UBR1: variants seen among roughly 807,000 people sequenced by gnomAD.
UBR1 encodes the protein ubiquitin protein ligase E3 component n-recognin 1.
A neutral mutation model predicts 242.1 loss-of-function variants in UBR1; 102 were observed. The ratio of observed to expected loss-of-function variants is 0.42; its 90% CI spans 0.36 to 0.50. UBR1 has a LOEUF of 0.50. Ranked by LOEUF, UBR1 falls within the 20% of genes least tolerant of loss-of-function variation. UBR1 has a pLI of 0.01. For synonymous variants in UBR1, 675 were observed against 684.8 expected, an observed-to-expected ratio of 0.99 and a Z score of 0.22; for missense variants, 1,772 against 2,101.8, an observed-to-expected ratio of 0.84 and a Z score of 3.07.
At chr15:42,952,872 G>A (rs2031857978) in intron 44 of UBR1, among the ~76,000 whole-genome samples, 2 of 151,186 alleles carry the variant, frequency 1.3e-5, no homozygotes, top group African/African-American at 4.8e-5. Context: ...TTGTTTAAAA[G>A]AAAAAAAATT....
In UBR1 at chr15:43,021,382, TAA is replaced by T; in HGVS notation, c.2840-9_2840-8del. 6.2e-7 allele frequency: 1 copy of T among 1,612,722 alleles called. No homozygotes were observed. Among genetic ancestry groups the T allele is most frequent in the Non-Finnish European group, 8.5e-7 (1 of 1,178,940 alleles). On this transcript the variant is annotated splice_region_variant and splice_polypyrimidine_tract_variant and intron_variant, in intron 26 of 46. Transcript: ENST00000290650. ...ATGGCTGAACTTCCCAATCCTTTTT[TAA>T]AACACAAAATCACACATCATAAATA...
intron 40 of UBR1, among the ~76,000 whole-genome samples, chr15:42,967,821 T>G (rs922499911): frequency 7.9e-5 from 12 of 151,366 alleles, no homozygotes; most frequent in Non-Finnish European, 1.6e-4. Flanking sequence ...CTGGTAAAGG[T>G]GACTGATGAG....
intron 10 of UBR1, among the ~76,000 whole-genome samples, chr15:43,057,470 A>G (rs1567138892): frequency 1.3e-5 from 2 of 152,224 alleles, no homozygotes; most frequent in Non-Finnish European, 2.9e-5. Flanking sequence ...ATTGCCTTAT[A>G]TAAGGCAAAA....
chr15:43,081,801 T>C (rs1021826528), intron 3 of UBR1, among the ~76,000 whole-genome samples: 2 of 152,156 alleles, frequency 1.3e-5, no homozygotes, highest in African/African-American at 4.8e-5. Flanking sequence ...TATTTTTTAA[T>C]CCAGTAATTC....
At chr15:43,013,196 C>G (rs941958247) in intron 29 of UBR1, among the ~76,000 whole-genome samples, 1 of 152,116 alleles carries the variant, frequency 6.6e-6, no homozygotes, top group African/African-American at 2.4e-5. Flanking sequence ...TTAGCCACTG[C>G]TCACAGCCCT....
At chr15:43,054,970 T>C (rs1228838412) in intron 11 of UBR1, 71 bp from the exon 12 acceptor site, 41 of 1,537,098 alleles carry the variant, frequency 2.7e-5, no homozygotes, top group Non-Finnish European at 3.5e-5. Context: ...TATTCATTCA[T>C]TTGGTTAGTC....
At chr15:43,061,123 T>C (rs1202693176) in intron 6 of UBR1, among the ~76,000 whole-genome samples, 1 of 152,178 alleles carries the variant, frequency 6.6e-6, no homozygotes. Flanking sequence ...CCATATTTTT[T>C]GGCTGCTATC....
intron 3 of UBR1, among the ~76,000 whole-genome samples, chr15:43,081,933 A>C (rs2033979552): frequency 6.6e-6 from 1 of 152,050 alleles, no homozygotes; most frequent in African/African-American, 2.4e-5. Flanking sequence ...TAAATACCCC[A>C]ATAATAGGTA....
Position 42,960,791 on chromosome 15 carries a change from T to C in UBR1, c.4701-90A>G. 2.6e-5 allele frequency: 35 copies of C among 1,351,094 alleles called. No homozygotes were observed. In the South Asian group the frequency reaches 2.8e-4, roughly 11 times the overall value. The allele number at this position is 1,351,094 out of a possible 1,614,324, so 83.7% of individuals were successfully genotyped here. A position where few individuals can be genotyped will look rare whatever the true frequency, so the allele number is the denominator to read the frequency against. Reference sequence around the variant, plus strand: ...AAGCCATTCTCTTTTTTTTTTGAGATGGATTCTCACTCTTTCGCCCAGGCT... The same window carrying C: ...AAGCCATTCTCTTTTTTTTTTGAGACGGATTCTCACTCTTTCGCCCAGGCT... On this transcript the variant is annotated intron_variant, in intron 42 of 46. Transcript: ENST00000290650.
rs1030213206 is a variant in UBR1 at position 43,066,716 on chromosome 15, A to G, written c.798+1182T>C. 3.9e-5 allele frequency among the ~76,000 whole-genome samples: 6 copies of G among 152,104 alleles called. No individual in the cohort carries two copies. In the East Asian group the frequency reaches 1.2e-3, roughly 29 times the overall value. ...TAGGTATTTTATTCTCTCTGTAGCA[A>G]TTGTGAATGGGAACTTGTTAGAAAT... On this transcript the variant is annotated intron_variant, in intron 6 of 46. Coordinates refer to ENST00000290650, the MANE Select transcript of UBR1 (RefSeq NM_174916.3).
chr15:43,094,771 C>A (rs1382680736), intron 1 of UBR1, among the ~76,000 whole-genome samples: 1 of 152,196 alleles, frequency 6.6e-6, no homozygotes, highest in South Asian at 2.1e-4. Context: ...GTTATCCCTA[C>A]CAGCCTTGTG....
chr15:43,100,009 G>C (rs1047356750), intron 1 of UBR1, among the ~76,000 whole-genome samples: 1 of 152,028 alleles, frequency 6.6e-6, no homozygotes, highest in African/African-American at 2.4e-5. Flanking sequence ...CTGAGTAGCT[G>C]GGACTACAGG....
At chr15:43,029,764 A>G (rs573956694) in intron 21 of UBR1, among the ~76,000 whole-genome samples, 180 bp downstream of exon 21, 4 of 152,358 alleles carry the variant, frequency 2.6e-5, no homozygotes, top group Non-Finnish European at 5.9e-5. Context: ...AACAAAAAGT[A>G]AAGGAGTTTC....
intron 12 of UBR1, among the ~76,000 whole-genome samples, chr15:43,050,547 T>C (rs886684047): frequency 4.6e-5 from 7 of 151,966 alleles, no homozygotes; most frequent in African/African-American, 1.7e-4. Context: ...CCGTCTCCAC[T>C]AAAATATCTC....
chr15:42,959,339 A>G (rs2031977554), intron 43 of UBR1, among the ~76,000 whole-genome samples: 1 of 152,146 alleles, frequency 6.6e-6, no homozygotes. Flanking sequence ...CTACAGGTGC[A>G]TGCCACTGTG....
At chr15:43,029,878 A>G (rs992418247) in intron 21 of UBR1, 66 bp downstream of exon 21, 15 of 1,599,048 alleles carry the variant, frequency 9.4e-6, no homozygotes, top group African/African-American at 2.7e-5. Flanking sequence ...GTAGTTTCCA[A>G]TTAAAGAAAA....
intron 6 of UBR1, among the ~76,000 whole-genome samples, chr15:43,065,428 T>C (rs1040852348): frequency 6.6e-6 from 1 of 152,124 alleles, no homozygotes; most frequent in Non-Finnish European, 1.5e-5. Context: ...ACGTGTGCCA[T>C]GGTGGTCTGC....
At chr15:43,093,640 G>A in intron 1 of UBR1, among the ~76,000 whole-genome samples, 1 of 151,838 alleles carries the variant, frequency 6.6e-6, no homozygotes. Flanking sequence ...AAATTAGCTG[G>A]GCATGGTAGC....
At chr15:42,979,075 A>G (rs1313609994) in intron 37 of UBR1, among the ~76,000 whole-genome samples, 1 of 151,332 alleles carries the variant, frequency 6.6e-6, no homozygotes, top group Non-Finnish European at 1.5e-5. Flanking sequence ...TTGTATTTTT[A>G]GTAGAGATGG....
Sources: gnomAD v4.1 joint callset for allele counts (sites outside exome capture counted in the v4.1 genomes callset) on GRCh38, gnomAD v4.1.1 for gene constraint, MANE v1.5 for transcripts, NCBI Gene and HGNC (gene_info 2026-07-23, HGNC 2026-07-21) for gene names.